Variants in CSMD1 observed in about 807,000 individuals in gnomAD.
CSMD1 encodes the protein CUB and sushi domain-containing protein 1.
A neutral mutation model predicts 417.5 loss-of-function variants in CSMD1; 213 were observed. The ratio of observed to expected loss-of-function variants is 0.51; its 90% CI spans 0.46 to 0.57. CSMD1 has a LOEUF of 0.57. Ranked by LOEUF, CSMD1 falls within the 20% of genes least tolerant of loss-of-function variation. The pLI is 0.00. For synonymous variants in CSMD1, 2,862 were observed against 1,736.8 expected, an observed-to-expected ratio of 1.65 and a Z score of -16.11; for missense variants, 6,923 against 4,529.7, an observed-to-expected ratio of 1.53 and a Z score of -15.17.
At chr8:4,303,526 A>G (rs530047760) in intron 3 of CSMD1, among the ~76,000 whole-genome samples, 1 of 150,396 alleles carries the variant, frequency 6.6e-6, no homozygotes, top group African/African-American at 2.4e-5. Flanking sequence ...ATATTCAAAG[A>G]TTCTGTAAAA....
chr8:4,768,103 C>G (rs1812592433), intron 1 of CSMD1, among the ~76,000 whole-genome samples: 1 of 152,054 alleles, frequency 6.6e-6, no homozygotes, highest in African/African-American at 2.4e-5. Context: ...TATGTGTTCT[C>G]TCATAACTGT....
chr8:3,849,274 A>AAC (rs1294050978), intron 5 of CSMD1, among the ~76,000 whole-genome samples: 1 of 152,150 alleles, frequency 6.6e-6, no homozygotes, highest in Non-Finnish European at 1.5e-5. Flanking sequence ...GGTGCATGTG[A>AAC]ATGTGCACAG....
intron 1 of CSMD1, among the ~76,000 whole-genome samples, chr8:4,811,756 T>G (rs1163751926): frequency 6.6e-6 from 1 of 152,178 alleles, no homozygotes; most frequent in Non-Finnish European, 1.5e-5. Context: ...TTTAGTCTCT[T>G]TCAAACATTC....
intron 37 of CSMD1, among the ~76,000 whole-genome samples, chr8:3,176,814 T>TC (rs1820965306): frequency 6.6e-6 from 1 of 150,836 alleles, no homozygotes; most frequent in African/African-American, 2.4e-5. Flanking sequence ...GGTCTTGCTC[T>TC]GTCTCCCAGG....
intron 46 of CSMD1, among the ~76,000 whole-genome samples, chr8:3,098,151 G>A (rs2129011431): frequency 6.6e-6 from 1 of 152,160 alleles, no homozygotes; most frequent in South Asian, 2.1e-4. Flanking sequence ...TACTGGTAAT[G>A]GTTCAAAAAT....
At chr8:4,760,728 T>C (rs1811984722) in intron 1 of CSMD1, among the ~76,000 whole-genome samples, 1 of 152,298 alleles carries the variant, frequency 6.6e-6, no homozygotes, top group African/African-American at 2.4e-5. Context: ...TTTGTAATAA[T>C]GATTAAGTTT....
intron 10 of CSMD1, among the ~76,000 whole-genome samples, chr8:3,530,746 C>G (rs1473016359): frequency 1.3e-5 from 2 of 152,132 alleles, no homozygotes; most frequent in Non-Finnish European, 2.9e-5. Flanking sequence ...CCAGGCTGGT[C>G]TCAAATTCCT....
rs897009597 is a variant in CSMD1, at chr8:3,439,793, T to C, written c.1561+28919A>G. On this transcript the variant is annotated intron_variant, in intron 12 of 69. Coordinates refer to ENST00000635120, the MANE Select transcript of CSMD1 (RefSeq NM_033225.6). ...ACTAAAACTTTTATATGTTTACATT[T>C]ACATTTAAGTCTATTATCCATTTTG... 8.5e-5 allele frequency among the ~76,000 whole-genome samples: 13 copies of C among 152,340 alleles called. 1 individual carries two copies. The highest frequency in any genetic ancestry group is 3.4e-3 in the Middle Eastern group (1 of 294).
At chr8:4,967,899 T>C (rs1450230958) in intron 1 of CSMD1, among the ~76,000 whole-genome samples, 1 of 152,164 alleles carries the variant, frequency 6.6e-6, no homozygotes, top group African/African-American at 2.4e-5. Context: ...ATACCGTGTG[T>C]GGAAGCAGAA....
At chr8:4,717,486 C>A (rs1285783065) in intron 1 of CSMD1, among the ~76,000 whole-genome samples, 1 of 151,320 alleles carries the variant, frequency 6.6e-6, no homozygotes, top group African/African-American at 2.4e-5. Flanking sequence ...ACACCCCTTT[C>A]TATATATGTA....
At position 3,965,005 on chromosome 8, in the gene CSMD1, G is replaced by C. The variant is rs186696331; in HGVS notation, c.818+32898C>G. Among the ~76,000 whole-genome samples, 449 of 152,258 alleles carry C rather than the reference G, an allele frequency of 2.9e-3. 3 individuals are homozygous for C. The highest frequency in any genetic ancestry group is 4.1e-3 in the Non-Finnish European group (276 of 68,020). ...AACTCTCTAGGCCACGGTTTTTTCT[G>C]TGTATAAAGTAGGTGATAGTTTCTA... is the stretch of plus-strand genomic sequence containing the variant. On this transcript the variant is annotated intron_variant, in intron 5 of 69. Coordinates refer to ENST00000635120, the MANE Select transcript of CSMD1 (RefSeq NM_033225.6).
rs894045740 is a variant in CSMD1, at chr8:4,974,512, A to G, written c.85+19820T>C. Among the ~76,000 whole-genome samples the G allele has an allele frequency of 4.3e-5, 5 of 116,576 alleles. No homozygotes were observed. In the East Asian group the frequency reaches 7.8e-4, roughly 18 times the overall value. 76.5% of individuals were successfully genotyped at this position (116,576 alleles called of 152,430 possible). On this transcript the variant is annotated intron_variant, in intron 1 of 69. Transcript: ENST00000635120. ...GGAGAATGATCATTACATGAAAATT[A>G]TTTTTAACATAATAACGTGAGAGTT...
At chr8:4,901,099 C>T (rs1180881342) in intron 1 of CSMD1, among the ~76,000 whole-genome samples, 1 of 152,222 alleles carries the variant, frequency 6.6e-6, no homozygotes, top group Non-Finnish European at 1.5e-5. Context: ...TTTTGGGCAA[C>T]AGTATACCCT....
chr8:4,208,113 C>T (rs2131277047), intron 3 of CSMD1, among the ~76,000 whole-genome samples: 1 of 152,182 alleles, frequency 6.6e-6, no homozygotes, highest in South Asian at 2.1e-4. Flanking sequence ...CAAGCAATTT[C>T]ATACACATGA....
intron 1 of CSMD1, among the ~76,000 whole-genome samples, chr8:4,891,885 T>G (rs1342580331): frequency 6.6e-6 from 1 of 152,096 alleles, no homozygotes; most frequent in Non-Finnish European, 1.5e-5. Flanking sequence ...ACATTCACTG[T>G]ATTAGATTCT....
chr8:2,955,784 G>T lies in CSMD1; in HGVS notation c.9815-16C>A, dbSNP rs749442003. The T allele has an allele frequency of 6.2e-7, 1 of 1,609,522 alleles. No homozygotes were observed. The highest frequency in any genetic ancestry group is 8.5e-7 in the Non-Finnish European group (1 of 1,177,350). On this transcript the variant is annotated splice_polypyrimidine_tract_variant and intron_variant, in intron 63 of 69. Coordinates refer to ENST00000635120, the MANE Select transcript of CSMD1 (RefSeq NM_033225.6). Reference sequence around the variant, plus strand: ...CAGGCATGAGCTGAAACAACATTAGGAAACATTGAGACTTTGTTTATTGTA... The same window carrying T: ...CAGGCATGAGCTGAAACAACATTAGTAAACATTGAGACTTTGTTTATTGTA...
chr8:4,467,543 A>C (rs534527821), intron 2 of CSMD1, among the ~76,000 whole-genome samples: 2 of 152,330 alleles, frequency 1.3e-5, no homozygotes, highest in South Asian at 2.1e-4. Flanking sequence ...TTAGCACATT[A>C]AACCTGTTGA....
At chr8:4,488,573 T>C (rs764235661) in intron 2 of CSMD1, among the ~76,000 whole-genome samples, 1 of 152,108 alleles carries the variant, frequency 6.6e-6, no homozygotes, top group Non-Finnish European at 1.5e-5. Context: ...CAAAAATTTA[T>C]CTCCAGATTT....
At chr8:3,839,455 ATATAT>A (rs950598933) in intron 5 of CSMD1, among the ~76,000 whole-genome samples, 3 of 122,536 alleles carry the variant, frequency 2.4e-5, no homozygotes, top group South Asian at 2.2e-4. Context: ...TTATAATATA[ATATAT>A]TATATATTAT....
Sources: gnomAD v4.1 joint callset for allele counts (sites outside exome capture counted in the v4.1 genomes callset) on GRCh38, gnomAD v4.1.1 for gene constraint, MANE v1.5 for transcripts, NCBI Gene and HGNC (gene_info 2026-07-23, HGNC 2026-07-21) for gene names.